Variants in MANBA observed in about 807,000 individuals in gnomAD.
The protein encoded by MANBA is beta-mannosidase.
A neutral mutation model predicts 111.1 loss-of-function variants in MANBA; 83 were observed. The ratio of observed to expected loss-of-function variants is 0.75; its 90% CI spans 0.63 to 0.90. The LOEUF is 0.90. MANBA is among the 40% of genes least tolerant of loss of function. The probability of loss-of-function intolerance (pLI) is 0.00; values close to 1 mark genes in which losing one functional copy is unlikely to be tolerated. For synonymous variants in MANBA, 370 were observed against 378.7 expected (o/e 0.98, Z 0.27); for missense variants, 1,036 against 1,069.0 (o/e 0.97, Z 0.43).
intron 13 of MANBA, 40 bp from the exon 14 acceptor site, chr4:102,639,897 G>A (rs754711640): frequency 1.9e-6 from 3 of 1,608,592 alleles, no homozygotes; most frequent in Non-Finnish European, 1.7e-6. Context: ...GTTATTGTTT[G>A]ATGTAGACTG....
At chr4:102,655,588 G>A (rs1730524415) in intron 12 of MANBA, among the ~76,000 whole-genome samples, 1 of 152,120 alleles carries the variant, frequency 6.6e-6, no homozygotes, top group Non-Finnish European at 1.5e-5. Flanking sequence ...TGGAACAACT[G>A]GCTATACACA....
At chr4:102,650,911 T>C (rs917145436) in intron 12 of MANBA, 2 of 562,268 alleles carry the variant, frequency 3.6e-6, no homozygotes, top group East Asian at 3.0e-5. Context: ...AACCAGGGTT[T>C]GGTACATATA....
chr4:102,723,840 C>G (rs755905373), intron 3 of MANBA, 22 bp downstream of exon 3: 2 of 1,389,684 alleles, frequency 1.4e-6, no homozygotes, highest in Non-Finnish European at 2.0e-6. Context: ...TTTTTTTTAA[C>G]CTAATGTCAT....
chr4:102,680,921 T>G (rs1460958993), intron 7 of MANBA, among the ~76,000 whole-genome samples: 1 of 152,230 alleles, frequency 6.6e-6, no homozygotes, highest in Non-Finnish European at 1.5e-5. Context: ...TAAGAATGAC[T>G]TCTTTATTTC....
At chr4:102,646,376 G>T (rs1248293148) in intron 13 of MANBA, among the ~76,000 whole-genome samples, 4 of 151,998 alleles carry the variant, frequency 2.6e-5, no homozygotes, top group Non-Finnish European at 5.9e-5. Context: ...AGGGCAGCAG[G>T]TATCATCAAA....
chr4:102,681,425 T>C (rs530285047), intron 7 of MANBA: 1 of 152,298 alleles, frequency 6.6e-6, no homozygotes, highest in South Asian at 2.1e-4. Flanking sequence ...TGTTTTACTT[T>C]GACTCTTTCT....
intron 7 of MANBA, among the ~76,000 whole-genome samples, chr4:102,680,063 C>A (rs1244069583): frequency 6.6e-6 from 1 of 152,140 alleles, no homozygotes; most frequent in African/African-American, 2.4e-5. Flanking sequence ...ACAATTGGGG[C>A]GTTTGGCATT....
intron 1 of MANBA, among the ~76,000 whole-genome samples, chr4:102,753,092 T>A (rs1251852558): frequency 1.3e-5 from 2 of 152,142 alleles, no homozygotes; most frequent in African/African-American, 2.4e-5. Context: ...TAAGAACACA[T>A]CTTTATAATG....
At chr4:102,640,071 T>C (rs1407670801) in intron 13 of MANBA, among the ~76,000 whole-genome samples, 5 of 152,144 alleles carry the variant, frequency 3.3e-5, no homozygotes, top group Non-Finnish European at 7.4e-5. Flanking sequence ...ACAGTGGGTT[T>C]GTCTGGTAGA....
At chr4:102,739,315 A>C (rs1480561516) in intron 1 of MANBA, among the ~76,000 whole-genome samples, 1 of 152,140 alleles carries the variant, frequency 6.6e-6, no homozygotes, top group African/African-American at 2.4e-5. Context: ...TAATTTAAAA[A>C]TTGCTGACCA....
intron 1 of MANBA, chr4:102,753,912 G>A (rs1723904831): frequency 2.3e-6 from 1 of 439,668 alleles, no homozygotes. Context: ...GTGAGACCAT[G>A]AGAATCGCTT....
chr4:102,701,616 T>C (rs1239323889), intron 5 of MANBA, among the ~76,000 whole-genome samples: 8 of 151,652 alleles, frequency 5.3e-5, no homozygotes, highest in Admixed American at 3.3e-4. Flanking sequence ...CCTACACTTA[T>C]GAAGCTTAGT....
chr4:102,680,898 G>A (rs887927787), intron 7 of MANBA, among the ~76,000 whole-genome samples: 1 of 152,182 alleles, frequency 6.6e-6, no homozygotes, highest in East Asian at 1.9e-4. Flanking sequence ...TTTGATCTCT[G>A]TTTCCAGAAA....
At chr4:102,746,216 C>T (rs949740387) in intron 1 of MANBA, among the ~76,000 whole-genome samples, 1 of 152,204 alleles carries the variant, frequency 6.6e-6, no homozygotes, top group African/African-American at 2.4e-5. Flanking sequence ...ACCACACATC[C>T]CCATTCCAAG....
At chr4:102,738,795 C>T (rs190247256) in intron 1 of MANBA, among the ~76,000 whole-genome samples, 1 of 152,178 alleles carries the variant, frequency 6.6e-6, no homozygotes, top group African/African-American at 2.4e-5. Flanking sequence ...GGTTGATTAT[C>T]GGGTTACTCA....
chr4:102,655,288 G>A (rs1344046454), intron 12 of MANBA, among the ~76,000 whole-genome samples: 1 of 151,970 alleles, frequency 6.6e-6, no homozygotes, highest in Non-Finnish European at 1.5e-5. Flanking sequence ...ATCCCAGCTA[G>A]CTTTTCTGCA....
Position 102,636,025 on chromosome 4 carries a change from T to G in MANBA, c.2015-18A>C. The G allele has an allele frequency of 6.2e-7, 1 of 1,611,154 alleles. No individual in the cohort carries two copies. Among genetic ancestry groups the G allele is most frequent in the Non-Finnish European group, 8.5e-7 (1 of 1,177,586 alleles). Reference sequence around the variant, plus strand: ...TCCGTACTCTGAAAATAATCAAGAGTGTCAGGAGACGGCAAGGTCAAGTAG... The same window carrying G: ...TCCGTACTCTGAAAATAATCAAGAGGGTCAGGAGACGGCAAGGTCAAGTAG... On this transcript the variant is annotated intron_variant, in intron 14 of 16. Transcript: ENST00000647097.
chr4:102,742,494 T>C (rs1029001797), intron 1 of MANBA, among the ~76,000 whole-genome samples: 46 of 152,166 alleles, frequency 3.0e-4, no homozygotes, highest in African/African-American at 1.1e-3. Context: ...AAAAGTATTG[T>C]CACCCAGTTG....
Position 102,657,873 on chromosome 4 carries a change from A to G in MANBA, c.1513T>C (p.Ser505Pro), listed in dbSNP as rs121434334. The change falls in exon 12 of 17, where the codon TCC becomes CCC. Residue 505 changes from serine to proline, a missense_variant. Transcript: ENST00000647097. ...GTTTCAGCCCCATTTGTAGGACTGGACGTAATAAAAGGACGACTCTTGTCT... is the reference window on the plus strand; with the variant it reads ...GTTTCAGCCCCATTTGTAGGACTGGGCGTAATAAAAGGACGACTCTTGTCT... ...AGDKSRPFIT[S>P]SPTNGAETVA... The G allele has an allele frequency of 6.2e-7, 1 of 1,613,272 alleles. No homozygotes were observed. Among genetic ancestry groups the G allele is most frequent in the Non-Finnish European group, 8.5e-7 (1 of 1,179,222 alleles).
Sources: gnomAD v4.1 joint callset for allele counts (sites outside exome capture counted in the v4.1 genomes callset) on GRCh38, gnomAD v4.1.1 for gene constraint, MANE v1.5 for transcripts, NCBI Gene and HGNC (gene_info 2026-07-23, HGNC 2026-07-21) for gene names.